UBE4B: variants seen among roughly 807,000 people sequenced by gnomAD.
UBE4B encodes the protein ubiquitination factor E4B.
A neutral mutation model predicts 148.1 loss-of-function variants in UBE4B; 27 were observed. The observed-to-expected ratio is 0.18, with a 90% CI of 0.13 to 0.25. The LOEUF (loss-of-function observed/expected upper bound fraction) is 0.25. UBE4B is among the 10% of genes least tolerant of loss of function. The pLI is 1.00. For synonymous variants in UBE4B, 596 were observed against 619.3 expected, an observed-to-expected ratio of 0.96 and a Z score of 0.56; for missense variants, 1,170 against 1,662.4, an observed-to-expected ratio of 0.70 and a Z score of 5.15.
intron 21 of UBE4B, among the ~76,000 whole-genome samples, chr1:10,157,308 A>C (rs1274461736): frequency 6.6e-6 from 1 of 151,930 alleles, no homozygotes; most frequent in Non-Finnish European, 1.5e-5. Flanking sequence ...GGCGAGAGCC[A>C]CCACGCTCAG....
Position 10,033,427 on chromosome 1 carries a change from A to G in UBE4B, c.-244A>G. ...CCCTGTAGCAGCAGCAGTGGCGGCC[A>G]AAGGAGGCTGCTCAGGGAACAAGCG... is the stretch of plus-strand genomic sequence containing the variant. On this transcript the variant is annotated 5_prime_UTR_variant, in exon 1 of 28. Transcript: ENST00000343090. The G allele has an allele frequency of 2.6e-6, 1 of 384,922 alleles. No individual in the cohort carries two copies. Among genetic ancestry groups the G allele is most frequent in the South Asian group, 1.2e-4 (1 of 8,576 alleles). 23.8% of individuals were successfully genotyped at this position (384,922 alleles called of 1,614,324 possible). A position where few individuals can be genotyped will look rare whatever the true frequency, so the allele number is the denominator to read the frequency against.
At chr1:10,052,587 C>T (rs1644072572) in intron 1 of UBE4B, among the ~76,000 whole-genome samples, 2 of 152,232 alleles carry the variant, frequency 1.3e-5, no homozygotes, top group South Asian at 2.1e-4. Flanking sequence ...CATGTGACTG[C>T]AGGCAGAGGT....
At chr1:10,143,694 C>T (rs988552144) in intron 17 of UBE4B, among the ~76,000 whole-genome samples, 1 of 152,182 alleles carries the variant, frequency 6.6e-6, no homozygotes, top group Non-Finnish European at 1.5e-5. Flanking sequence ...ACTCATGTTT[C>T]AGTTGTAGAC....
At chr1:10,154,774 A>G (rs1424192822) in intron 21 of UBE4B, among the ~76,000 whole-genome samples, 3 of 152,028 alleles carry the variant, frequency 2.0e-5, no homozygotes, top group Non-Finnish European at 4.4e-5. Context: ...TCAGGGAGGC[A>G]GAGGTTGCAG....
intron 2 of UBE4B, among the ~76,000 whole-genome samples, chr1:10,082,260 A>G (rs1644694317): frequency 1.3e-5 from 2 of 152,010 alleles, no homozygotes; most frequent in African/African-American, 4.8e-5. Flanking sequence ...GTGCTTTGGG[A>G]GGTCTAGGTG....
intron 23 of UBE4B, among the ~76,000 whole-genome samples, chr1:10,166,732 T>C (rs1265203767): frequency 6.6e-6 from 1 of 152,060 alleles, no homozygotes; most frequent in Admixed American, 6.6e-5. Context: ...AAGACCAGCC[T>C]GGCCAACATG....
chr1:10,085,672 T>C (rs1570854615), intron 2 of UBE4B, among the ~76,000 whole-genome samples: 1 of 152,216 alleles, frequency 6.6e-6, no homozygotes, highest in East Asian at 1.9e-4. Context: ...TAACATCAGT[T>C]CTATCATTTT....
At chr1:10,174,505 A>G (rs1387736152) in intron 25 of UBE4B, among the ~76,000 whole-genome samples, 1 of 151,862 alleles carries the variant, frequency 6.6e-6, no homozygotes, top group Non-Finnish European at 1.5e-5. Context: ...GTTTGAGACC[A>G]GCCTGGCTAA....
At position 10,072,321 on chromosome 1, in the gene UBE4B, G is replaced by C. The variant is rs1644500590; in HGVS notation, c.211+107G>C. The C allele has an allele frequency of 4.5e-6, 6 of 1,331,934 alleles. No homozygotes were observed. The East Asian group carries it at 1.5e-4, about 33-fold the overall frequency. The allele number at this position is 1,331,934 out of a possible 1,614,324, so 82.5% of individuals were successfully genotyped here. A position where few individuals can be genotyped will look rare whatever the true frequency, so the allele number is the denominator to read the frequency against. ...ACAGATTAAAATGAAGCAGACATCA[G>C]CTCTTTAAAATCCTCCAAGCAGTAG... On this transcript the variant is annotated intron_variant, in intron 2 of 27. Transcript: ENST00000343090.
chr1:10,144,197 C>T (rs940960580), intron 17 of UBE4B, among the ~76,000 whole-genome samples: 2 of 152,138 alleles, frequency 1.3e-5, no homozygotes, highest in Non-Finnish European at 2.9e-5. Flanking sequence ...CAGAGATAAC[C>T]TCAGAGAAGA....
intron 7 of UBE4B, among the ~76,000 whole-genome samples, chr1:10,111,822 T>A (rs1645227135): frequency 6.6e-6 from 1 of 152,104 alleles, no homozygotes; most frequent in Non-Finnish European, 1.5e-5. Flanking sequence ...CTAGGCATGA[T>A]GGCATGTGCC....
chr1:10,033,728 T>C lies in UBE4B; in HGVS notation c.24+34T>C, dbSNP rs758381896. 7.8e-6 allele frequency: 12 copies of C among 1,539,396 alleles called. No individual in the cohort carries two copies. In the East Asian group the frequency reaches 2.8e-4, roughly 35 times the overall value. ...GTTGGGGGACACCTTGAGGGATTAG[T>C]TGGCAACTCGTTAGCGCTTTGGACA... On this transcript the variant is annotated intron_variant, in intron 1 of 27. Coordinates refer to ENST00000343090, the MANE Select transcript of UBE4B (RefSeq NM_001105562.3).
intron 2 of UBE4B, among the ~76,000 whole-genome samples, chr1:10,075,120 G>A (rs1036737858): frequency 1.3e-5 from 2 of 152,116 alleles, no homozygotes; most frequent in Admixed American, 1.3e-4. Flanking sequence ...AATATTTTTG[G>A]CTTTGGAGGC....
rs1213369783 is a variant in UBE4B at position 10,130,496 on chromosome 1, C to G, written c.1696-4C>G. The G allele has an allele frequency of 6.2e-7, 1 of 1,613,730 alleles. No individual in the cohort carries two copies. Among genetic ancestry groups the G allele is most frequent in the Admixed American group, 1.7e-5 (1 of 59,996 alleles). ...CTTGACTGGCTCTTCCATCTTCTGCCTAGGTTGCTTCTTTGCGGTTGTGGT... is the reference window on the plus strand; with the variant it reads ...CTTGACTGGCTCTTCCATCTTCTGCGTAGGTTGCTTCTTTGCGGTTGTGGT... On this transcript the variant is annotated splice_region_variant and splice_polypyrimidine_tract_variant and intron_variant, in intron 12 of 27. Coordinates refer to ENST00000343090, the MANE Select transcript of UBE4B (RefSeq NM_001105562.3).
intron 1 of UBE4B, among the ~76,000 whole-genome samples, chr1:10,046,055 A>G (rs1263253459): frequency 1.3e-5 from 2 of 152,156 alleles, no homozygotes; most frequent in African/African-American, 4.8e-5. Context: ...CTTTCCTACC[A>G]TATGGCTTCC....
chr1:10,084,635 T>C (rs1339279685), intron 2 of UBE4B, among the ~76,000 whole-genome samples: 1 of 152,144 alleles, frequency 6.6e-6, no homozygotes, highest in Non-Finnish European at 1.5e-5. Context: ...GATTTGGGAC[T>C]ACACTGGGAG....
At chr1:10,118,421 TCCA>T (rs2101917112) in intron 8 of UBE4B, among the ~76,000 whole-genome samples, 1 of 152,230 alleles carries the variant, frequency 6.6e-6, no homozygotes, top group African/African-American at 2.4e-5. Flanking sequence ...CACTGCAACC[TCCA>T]CCTCCTAGGT....
intron 7 of UBE4B, among the ~76,000 whole-genome samples, chr1:10,108,552 T>C (rs1161836903): frequency 6.6e-6 from 1 of 152,210 alleles, no homozygotes; most frequent in Non-Finnish European, 1.5e-5. Context: ...TGAAGTTTCC[T>C]GTGGACTGAG....
chr1:10,035,730 T>A (rs561967349), intron 1 of UBE4B, among the ~76,000 whole-genome samples: 30 of 147,004 alleles, frequency 2.0e-4, no homozygotes, highest in East Asian at 1.4e-3. Flanking sequence ...TATTTTTTTT[T>A]ATTTTTTATT....
Sources: allele counts gnomAD v4.1 joint callset (sites outside exome capture counted in the v4.1 genomes callset), GRCh38; gene constraint gnomAD v4.1.1; transcripts MANE v1.5; gene names NCBI Gene and HGNC (gene_info 2026-07-23, HGNC 2026-07-21).